Variants in WBP1L observed in about 807,000 individuals in gnomAD.
WBP1L encodes the protein WW domain binding protein 1-like.
Under a neutral mutation model 33.7 loss-of-function variants are expected in WBP1L, and 17 were observed. The observed-to-expected ratio is 0.50, with a 90% CI of 0.34 to 0.76. The LOEUF (loss-of-function observed/expected upper bound fraction) is 0.76. Among genes scored for constraint, WBP1L ranks in the 30% least tolerant of loss-of-function variants. The probability of loss-of-function intolerance (pLI) is 0.01; values close to 1 mark genes in which losing one functional copy is unlikely to be tolerated. For synonymous variants in WBP1L, 173 were observed against 190.8 expected, an observed-to-expected ratio of 0.91 and a Z score of 0.77; for missense variants, 389 against 469.4, an observed-to-expected ratio of 0.83 and a Z score of 1.58.
At chr10:102,792,676 C>G (rs575518495) in intron 1 of WBP1L, among the ~76,000 whole-genome samples, 1 of 150,920 alleles carries the variant, frequency 6.6e-6, no homozygotes, top group Non-Finnish European at 1.5e-5. Context: ...CTCACCACAG[C>G]CTCCACCTCC....
At position 102,784,956 on chromosome 10, in the gene WBP1L, A is replaced by C. The variant is rs566719948; in HGVS notation, c.91-13037A>C. Among the ~76,000 whole-genome samples the C allele has an allele frequency of 2.7e-5, 4 of 150,522 alleles. No homozygotes were observed. In the East Asian group the frequency reaches 7.9e-4, roughly 30 times the overall value. On this transcript the variant is annotated intron_variant, in intron 1 of 3. Transcript: ENST00000448841. ...CAATGGCACGATCTCAGGTCACTGCAACCTCCGCCTCCAGGTTCAAGTGAT... is the reference window on the plus strand; with the variant it reads ...CAATGGCACGATCTCAGGTCACTGCCACCTCCGCCTCCAGGTTCAAGTGAT...
chr10:102,796,262 G>C (rs1262102337), intron 1 of WBP1L, among the ~76,000 whole-genome samples: 2 of 152,098 alleles, frequency 1.3e-5, no homozygotes, highest in African/African-American at 4.8e-5. Flanking sequence ...TCATTGTCAG[G>C]GTTTATGAAT....
rs959136294 is a variant in WBP1L at position 102,813,513 on chromosome 10, C to T, written c.*182C>T. The T allele has an allele frequency of 1.2e-6, 1 of 802,342 alleles. No homozygotes were observed. Among genetic ancestry groups the T allele is most frequent in the Admixed American group, 3.0e-5 (1 of 33,844 alleles). 49.7% of individuals were successfully genotyped at this position (802,342 alleles called of 1,614,324 possible). On this transcript the variant is annotated 3_prime_UTR_variant, in exon 4 of 4. Coordinates refer to ENST00000448841, the MANE Select transcript of WBP1L (RefSeq NM_001083913.2). ...CCAGGTACAGTTCGGGGTGTGGATG[C>T]CTCTTCCTCCACAAGGGCACAGTGT...
rs369726040 is a variant in WBP1L, at chr10:102,810,073, C to T, written c.355+19C>T. On this transcript the variant is annotated intron_variant, in intron 3 of 3. Transcript: ENST00000448841. ...TATTTCAGTACGTACACCCAAGCCCCCATACCCACCCTCAGGAGCTCAGGT... is the reference window on the plus strand; with the variant it reads ...TATTTCAGTACGTACACCCAAGCCCTCATACCCACCCTCAGGAGCTCAGGT... 6.8e-5 allele frequency: 108 copies of T among 1,592,954 alleles called. No homozygotes were observed. Among genetic ancestry groups the T allele is most frequent in the Non-Finnish European group, 8.5e-5 (99 of 1,170,004 alleles).
chr10:102,752,088 G>A (rs1439560834), intron 1 of WBP1L, among the ~76,000 whole-genome samples: 1 of 152,116 alleles, frequency 6.6e-6, no homozygotes, highest in Non-Finnish European at 1.5e-5. Flanking sequence ...GGAGAATTTT[G>A]TCCTTCCAGA....
In WBP1L at chr10:102,812,996, G is replaced by A. The variant is rs201591380; in HGVS notation, c.757G>A (p.Ala253Thr). 3.0e-5 allele frequency: 49 copies of A among 1,613,526 alleles called. No individual in the cohort carries two copies. The highest frequency in any genetic ancestry group is 2.9e-4 in the East Asian group (13 of 44,880). The change falls in exon 4 of 4, where the codon GCA (alanine) becomes ACA (threonine). Residue 253 changes from alanine to threonine, a missense_variant. Physicochemically the swap from Ala to Thr is moderately conservative, Grantham distance 58. Transcript: ENST00000448841. ...GAAAGATGACAGCTCTGAACACGGC[G>A]CACCCGACAGCAAAGAGAAGACGCC... is the stretch of plus-strand genomic sequence containing the variant. ...LLKDDSSEHGAPDSKEKTPGR... is the reference protein window; with the variant it reads ...LLKDDSSEHGTPDSKEKTPGR...
intron 1 of WBP1L, among the ~76,000 whole-genome samples, chr10:102,747,509 T>G (rs1475030184): frequency 2.0e-5 from 3 of 152,080 alleles, no homozygotes; most frequent in Non-Finnish European, 4.4e-5. Flanking sequence ...AGAATGTTTG[T>G]TTTTGTTGTT....
intron 1 of WBP1L, among the ~76,000 whole-genome samples, chr10:102,788,009 G>A (rs1030872930): frequency 6.7e-6 from 1 of 150,090 alleles, no homozygotes; most frequent in Non-Finnish European, 1.5e-5. Flanking sequence ...AACCTGGGAG[G>A]TGGTGGTTGC....
At chr10:102,799,276 A>C (rs908649559) in intron 2 of WBP1L, among the ~76,000 whole-genome samples, 1 of 151,856 alleles carries the variant, frequency 6.6e-6, no homozygotes, top group African/African-American at 2.4e-5. Context: ...CAGTGAGCCG[A>C]GGTTGCGCCA....
chr10:102,764,379 C>T (rs1403399961), intron 1 of WBP1L, among the ~76,000 whole-genome samples: 3 of 152,184 alleles, frequency 2.0e-5, no homozygotes, highest in South Asian at 2.1e-4. Flanking sequence ...GCTTTAGGCA[C>T]GTCTGACCAT....
At chr10:102,786,496 A>G (rs1843417334) in intron 1 of WBP1L, among the ~76,000 whole-genome samples, 1 of 152,204 alleles carries the variant, frequency 6.6e-6, no homozygotes, top group South Asian at 2.1e-4. Flanking sequence ...GTCTCAGTCT[A>G]TCTACATTCT....
chr10:102,788,449 T>C (rs897175797), intron 1 of WBP1L, among the ~76,000 whole-genome samples: 12 of 152,042 alleles, frequency 7.9e-5, no homozygotes, highest in Admixed American at 7.9e-4. Flanking sequence ...GGTAAAAATA[T>C]AGGTGAATAC....
rs772704303 is a variant in WBP1L, at chr10:102,812,758, A to C, written c.519A>C (p.Gly173=). 5.6e-6 allele frequency: 9 copies of C among 1,613,200 alleles called. No homozygotes were observed. The South Asian group carries it at 9.9e-5, about 18-fold the overall frequency. ...GSPPGIDPTR[G]SQGAQSSPLS... is the part of the protein sequence containing the mutation. ...CCCCGGGCATCGATCCCACCAGGGG[A>C]TCCCAGGGGGCACAGAGCAGCCCCT... Residue 173 remains glycine (G), a synonymous_variant, in exon 4 of 4, where the codon GGA becomes GGC. Transcript: ENST00000448841.
At chr10:102,790,733 G>A (rs954878074) in intron 1 of WBP1L, among the ~76,000 whole-genome samples, 1 of 151,928 alleles carries the variant, frequency 6.6e-6, no homozygotes, top group Admixed American at 6.6e-5. Context: ...GGCTGGTCTC[G>A]AATTCCTGAC....
At position 102,761,692 on chromosome 10, in the gene WBP1L, G is replaced by A. The variant is rs529426655; in HGVS notation, c.90+17549G>A. 8.7e-4 allele frequency among the ~76,000 whole-genome samples: 132 copies of A among 151,984 alleles called. 2 individuals carry two copies. Among genetic ancestry groups the A allele is most frequent in the Admixed American group, 8.3e-3 (127 of 15,242 alleles). Reference sequence around the variant, plus strand: ...AGGATGGTCTCAATTTCCTGATCTCGTGATACACCCACCTCGGCCTAATTT... The same window carrying A: ...AGGATGGTCTCAATTTCCTGATCTCATGATACACCCACCTCGGCCTAATTT... On this transcript the variant is annotated intron_variant, in intron 1 of 3. Transcript: ENST00000448841.
chr10:102,788,222 G>A (rs1487115354), intron 1 of WBP1L, among the ~76,000 whole-genome samples: 1 of 150,076 alleles, frequency 6.7e-6, no homozygotes, highest in Admixed American at 6.6e-5. Context: ...TCTGCCTCCT[G>A]GGTTCATGCC....
chr10:102,760,440 G>C (rs7070903), intron 1 of WBP1L, among the ~76,000 whole-genome samples: 106,861 of 147,714 alleles, frequency 0.72, 38,897 homozygotes, highest in East Asian at 0.9. Context: ...GCAATGGCAC[G>C]ATCTTGGCTC....
At chr10:102,801,772 A>G (rs1843659436) in intron 2 of WBP1L, among the ~76,000 whole-genome samples, 1 of 152,128 alleles carries the variant, frequency 6.6e-6, no homozygotes, top group African/African-American at 2.4e-5. Flanking sequence ...AAGTGACACA[A>G]AACAGGCTAT....
intron 1 of WBP1L, among the ~76,000 whole-genome samples, chr10:102,762,475 C>T (rs1407795285): frequency 6.6e-6 from 1 of 152,186 alleles, no homozygotes; most frequent in Non-Finnish European, 1.5e-5. Context: ...CCCTTAATCC[C>T]ATGAGAATCA....
Sources: gnomAD v4.1 joint callset for allele counts (sites outside exome capture counted in the v4.1 genomes callset) on GRCh38, gnomAD v4.1.1 for gene constraint, MANE v1.5 for transcripts, NCBI Gene and HGNC (gene_info 2026-07-23, HGNC 2026-07-21) for gene names.